Variants in SULT6B1 observed in about 807,000 individuals in gnomAD.
SULT6B1 encodes the protein sulfotransferase 6B1.
SULT6B1 carries 44 observed loss-of-function variants against 37.2 expected under a neutral mutation model. The ratio of observed to expected loss-of-function variants is 1.18; its 90% confidence interval spans 0.93 to 1.52. SULT6B1 has a LOEUF of 1.52. Among genes scored for constraint, SULT6B1 ranks in the 40% most tolerant of loss-of-function variants. The probability of loss-of-function intolerance (pLI) is 0.00; values close to 1 mark genes in which losing one functional copy is unlikely to be tolerated. For synonymous variants in SULT6B1, 140 were observed against 126.0 expected, an observed-to-expected ratio of 1.11 and a Z score of -0.74; for missense variants, 450 against 361.0, an observed-to-expected ratio of 1.25 and a Z score of -2.00.
At chr2:37,178,016 C>T (rs1481196376) in intron 4 of SULT6B1, among the ~76,000 whole-genome samples, 1 of 152,056 alleles carries the variant, frequency 6.6e-6, no homozygotes, top group East Asian at 1.9e-4. Context: ...GATGTAGAGT[C>T]ACTGCCACTT....
In SULT6B1 at chr2:37,175,876, C is replaced by T. The variant is rs549875607; in HGVS notation, c.530-650G>A. On this transcript the variant is annotated intron_variant, in intron 4 of 6. Transcript: ENST00000535679. ...TGATGTATATTTAGATTTAATAAAACGTACAGTTTAAAAAGTATATTCACA... is the reference window on the plus strand; with the variant it reads ...TGATGTATATTTAGATTTAATAAAATGTACAGTTTAAAAAGTATATTCACA... 7.0e-3 allele frequency among the ~76,000 whole-genome samples: 1,062 copies of T among 152,272 alleles called. 6 individuals carry two copies. The highest frequency in any genetic ancestry group is 0.013 in the Non-Finnish European group (891 of 68,018).
chr2:37,191,359 C>T (rs1676775709), upstream of SULT6B1: 1 of 151,628 alleles, frequency 6.6e-6, no homozygotes, highest in Non-Finnish European at 1.5e-5. Flanking sequence ...CAGGATGGCA[C>T]ATCCCCGCCT....
chr2:37,191,281 A>G (rs1005544658), upstream of SULT6B1: 6 of 123,346 alleles, frequency 4.9e-5, no homozygotes, highest in Admixed American at 1.7e-4. Flanking sequence ...AAAAAAAAAA[A>G]TCTTATTTTC....
intron 2 of SULT6B1, among the ~76,000 whole-genome samples, chr2:37,184,478 G>A (rs1676626282): frequency 6.6e-6 from 1 of 152,186 alleles, no homozygotes; most frequent in African/African-American, 2.4e-5. Flanking sequence ...CAGACCATTA[G>A]TATATGTTAT....
chr2:37,170,946 T>G (rs1014465649), intron 6 of SULT6B1, among the ~76,000 whole-genome samples: 1 of 150,650 alleles, frequency 6.6e-6, no homozygotes, highest in Non-Finnish European at 1.5e-5. Flanking sequence ...CCCTAAAAGA[T>G]GGTATGGGGC....
chr2:37,179,384 A>G (rs1304459747), intron 4 of SULT6B1, 74 bp downstream of exon 4: 3 of 1,584,078 alleles, frequency 1.9e-6, no homozygotes, highest in Admixed American at 1.8e-5. Flanking sequence ...CCTTTACCCT[A>G]AAACACATTT....
At chr2:37,180,988 A>G (rs563052012) in intron 3 of SULT6B1, among the ~76,000 whole-genome samples, 1 of 152,340 alleles carries the variant, frequency 6.6e-6, no homozygotes, top group South Asian at 2.1e-4. Context: ...TTGGCTGGGT[A>G]ATAGTTAATG....
chr2:37,174,881 A>G (rs3845783), intron 5 of SULT6B1, among the ~76,000 whole-genome samples: 105,968 of 152,032 alleles, frequency 0.7, 37,301 homozygotes, highest in East Asian at 0.96. Context: ...AATTTGAACT[A>G]TCCATCATAA....
chr2:37,182,029 C>G (rs1238857489), intron 3 of SULT6B1, among the ~76,000 whole-genome samples: 19 of 152,074 alleles, frequency 1.2e-4, no homozygotes. Context: ...AGATATTTTC[C>G]CATTTTAAGC....
intron 1 of SULT6B1, chr2:37,194,834 T>C (rs899948359): frequency 3.3e-5 from 5 of 152,276 alleles, no homozygotes; most frequent in Non-Finnish European, 7.3e-5. Context: ...AATGACCTTT[T>C]CTTCTTTCTC....
intron 4 of SULT6B1, among the ~76,000 whole-genome samples, chr2:37,175,551 C>T (rs1323261834): frequency 3.3e-5 from 5 of 151,866 alleles, no homozygotes; most frequent in Admixed American, 6.6e-5. Context: ...ACATGAAATC[C>T]GACAGAGACA....
upstream of SULT6B1, among the ~76,000 whole-genome samples, chr2:37,190,595 G>A (rs1460162586): frequency 1.3e-5 from 2 of 152,194 alleles, no homozygotes; most frequent in Admixed American, 6.5e-5. Flanking sequence ...TCTAGAAGAC[G>A]AGAGGTGAGG....
At chr2:37,188,792 T>C (rs1291043659), upstream of SULT6B1, among the ~76,000 whole-genome samples, 1 of 152,090 alleles carries the variant, frequency 6.6e-6, no homozygotes, top group African/African-American at 2.4e-5. Context: ...CACTATTACA[T>C]ATCCTCCTGG....
At chr2:37,180,620 A>G (rs1208304555) in intron 3 of SULT6B1, among the ~76,000 whole-genome samples, 1 of 152,210 alleles carries the variant, frequency 6.6e-6, no homozygotes, top group Non-Finnish European at 1.5e-5. Context: ...ATGGTGGCTT[A>G]TGCCTGTTAT....
chr2:37,180,964 G>A (rs1379134637), intron 3 of SULT6B1, among the ~76,000 whole-genome samples: 1 of 152,132 alleles, frequency 6.6e-6, no homozygotes, highest in South Asian at 2.1e-4. Context: ...TTTTTAATAA[G>A]CCCTTCCACT....
chr2:37,184,105 T>C (rs536696731), intron 2 of SULT6B1, among the ~76,000 whole-genome samples: 110 of 152,356 alleles, frequency 7.2e-4, no homozygotes, highest in African/African-American at 2.6e-3. Flanking sequence ...CCCACAATCA[T>C]ATCAAATCCA....
chr2:37,186,576 C>A (rs1222544235), intron 2 of SULT6B1, among the ~76,000 whole-genome samples: 1 of 152,100 alleles, frequency 6.6e-6, no homozygotes, highest in African/African-American at 2.4e-5. Context: ...ACACGTGAAT[C>A]ATAACTGAGA....
In SULT6B1 at chr2:37,187,408, A is replaced by G. The variant is rs774952395; in HGVS notation, c.259T>C (p.Tyr87His). ...ELIYAVSKKK[Y>H]KYPEFPVLEC... ...AGAACTGGGAATTCTGGATATTTAT[A>G]CTTTTTTTTAGAAACAGCATATATT... is the stretch of plus-strand genomic sequence containing the variant. The change falls in exon 2 of 7, where the codon TAT (tyrosine) becomes CAT (histidine). Residue 87 changes from tyrosine to histidine, a missense_variant. By Grantham distance (83) the Tyr-to-His change is moderately conservative (BLOSUM62 2). Coordinates refer to ENST00000535679, the MANE Select transcript of SULT6B1 (RefSeq NM_001367551.1). 3 of 1,609,160 alleles carry G rather than the reference A, an allele frequency of 1.9e-6. No homozygotes were observed. The South Asian group carries it at 3.3e-5, about 18-fold the overall frequency.
chr2:37,173,856 C>A (rs1368324586), intron 5 of SULT6B1, among the ~76,000 whole-genome samples: 2 of 152,200 alleles, frequency 1.3e-5, no homozygotes, highest in Non-Finnish European at 2.9e-5. Context: ...CCAGCATTTG[C>A]TTTGCCCCAG....
Sources: gnomAD v4.1 joint callset for allele counts (sites outside exome capture counted in the v4.1 genomes callset) on GRCh38, gnomAD v4.1.1 for gene constraint, MANE v1.5 for transcripts, NCBI Gene and HGNC (gene_info 2026-07-23, HGNC 2026-07-21) for gene names.